The following ENTPD5 variants were observed in gnomAD, a reference collection of about 807,000 sequenced individuals.
ENTPD5 encodes nucleoside diphosphate phosphatase ENTPD5.
ENTPD5 carries 49 observed loss-of-function variants against 60.2 expected under a neutral mutation model. The observed-to-expected ratio is 0.81, with a 90% CI of 0.65 to 1.03. The LOEUF (loss-of-function observed/expected upper bound fraction) is 1.03. Ranked by LOEUF, ENTPD5 falls within the 50% of genes least tolerant of loss-of-function variation. The pLI is 0.00. For missense variants in ENTPD5, 480 were observed against 507.6 expected (o/e 0.95, Z 0.52); for synonymous variants, 187 against 185.4 (o/e 1.01, Z -0.07).
downstream of ENTPD5, among the ~76,000 whole-genome samples, chr14:73,957,540 C>T (rs146795339): frequency 6.1e-3 from 924 of 152,208 alleles, 1 homozygote; most frequent in South Asian, 0.026. Flanking sequence ...AGTGGCTTAA[C>T]AATCCTCTCA....
chr14:73,961,356 C>A (rs1157651781), downstream of ENTPD5: 5 of 1,614,078 alleles, frequency 3.1e-6, no homozygotes, highest in East Asian at 6.7e-5. Context: ...GTACGTCAGG[C>A]CTCGGGTGGC....
intron 3 of ENTPD5, chr14:74,007,659 A>G (rs1398688180): frequency 6.6e-6 from 1 of 151,838 alleles, no homozygotes; most frequent in Non-Finnish European, 1.5e-5. Context: ...AGGTTTATTT[A>G]AAAGTCAGCT....
rs1227388456 is a variant in ENTPD5, at chr14:73,987,216, G to A, written c.218-323C>T. ...ATTCCTAGCCTCATGTCCAAGGATG[G>A]CAGTGAAATTCTCATGTGATCCTTC... On this transcript the variant is annotated intron_variant, in intron 4 of 15. Coordinates refer to ENST00000334696, the MANE Select transcript of ENTPD5 (RefSeq NM_001249.5). The A allele has an allele frequency of 7.2e-6, 5 of 692,492 alleles. No individual in the cohort carries two copies. In the East Asian group the frequency reaches 1.3e-4, roughly 19 times the overall value. 42.9% of individuals were successfully genotyped at this position (692,492 alleles called of 1,614,324 possible). A position where few individuals can be genotyped will look rare whatever the true frequency, so the allele number is the denominator to read the frequency against.
rs181821437 is a variant in ENTPD5 at position 73,966,312 on chromosome 14, C to G, written c.*616G>C. ...GACCGGGTGGCCTTCTTTCTTAAGG[C>G]TGTAATTTATGCACAGTTAGGAGTT... is the stretch of plus-strand genomic sequence containing the variant. On this transcript the variant is annotated 3_prime_UTR_variant, in exon 16 of 16. Coordinates refer to ENST00000334696, the MANE Select transcript of ENTPD5 (RefSeq NM_001249.5). The G allele has an allele frequency of 1.3e-5, 2 of 152,186 alleles. No homozygotes were observed. Among genetic ancestry groups the G allele is most frequent in the South Asian group, 4.1e-4 (2 of 4,826 alleles). The allele number at this position is 152,186 out of a possible 1,614,324, so 9.4% of individuals were successfully genotyped here.
chr14:74,011,209 G>A (rs2058836223), intron 2 of ENTPD5, 59 bp from the exon 3 acceptor site: 2 of 367,948 alleles, frequency 5.4e-6, no homozygotes, highest in Non-Finnish European at 7.5e-6. Flanking sequence ...TCTGCTGTCA[G>A]TATGCCTACT....
In ENTPD5 at chr14:73,986,828, C is replaced by A; in HGVS notation, c.283G>T (p.Asp95Tyr). The change falls in exon 5 of 16, where the codon GAT becomes TAT. Residue 95 changes from aspartate (D) to tyrosine (Y), a missense_variant. Coordinates refer to ENST00000334696, the MANE Select transcript of ENTPD5 (RefSeq NM_001249.5). ...SVKPGLSAFV[D>Y]QPKQGAETVQ... ...AAGAAACTCACCTGCTTAGGTTGAT[C>A]TACAAAAGCAGAAAGTCCTGGCTTC... The A allele has an allele frequency of 1.2e-6, 2 of 1,613,898 alleles. No homozygotes were observed. Among genetic ancestry groups the A allele is most frequent in the South Asian group, 1.1e-5 (1 of 91,072 alleles).
At chr14:74,000,386 G>C (rs527870093) in intron 3 of ENTPD5, among the ~76,000 whole-genome samples, 1 of 151,992 alleles carries the variant, frequency 6.6e-6, no homozygotes, top group East Asian at 1.9e-4. Flanking sequence ...GAGCCCCCTG[G>C]GAGGTGGAGG....
downstream of ENTPD5, chr14:73,962,959 T>A (rs2056820784): frequency 3.1e-6 from 5 of 1,600,764 alleles, no homozygotes; most frequent in Non-Finnish European, 1.7e-6. Flanking sequence ...TCACTTTTAT[T>A]TTTTCTCCAG....
chr14:74,006,296 T>C (rs1013044903), intron 3 of ENTPD5, among the ~76,000 whole-genome samples: 3 of 151,184 alleles, frequency 2.0e-5, no homozygotes, highest in African/African-American at 7.3e-5. Flanking sequence ...TTTTTTTTTT[T>C]TTTTTGAGAC....
downstream of ENTPD5, among the ~76,000 whole-genome samples, chr14:73,957,709 C>T (rs548739104): frequency 6.6e-6 from 1 of 152,290 alleles, no homozygotes; most frequent in South Asian, 2.1e-4. Context: ...GGATTACGAG[C>T]ATGAGCCACC....
chr14:73,962,958 T>A, downstream of ENTPD5: 2 of 1,600,048 alleles, frequency 1.2e-6, no homozygotes, highest in Non-Finnish European at 1.7e-6. Flanking sequence ...TTCACTTTTA[T>A]TTTTTCTCCA....
intron 6 of ENTPD5, among the ~76,000 whole-genome samples, chr14:73,982,742 T>C (rs1403932086): frequency 6.6e-6 from 1 of 151,780 alleles, no homozygotes; most frequent in Non-Finnish European, 1.5e-5. Flanking sequence ...GGTGACAGAG[T>C]GAGACTCCAT....
At position 73,967,183 on chromosome 14, in the gene ENTPD5, C is replaced by T. The variant is rs3742812; in HGVS notation, c.1201-169G>A. ...CCACTACTCTGTAACAATTTCCTTC[C>T]GGCCATGGCCCATTGGCCATTGCCC... On this transcript the variant is annotated intron_variant, in intron 15 of 15. Coordinates refer to ENST00000334696, the MANE Select transcript of ENTPD5 (RefSeq NM_001249.5). Among the ~76,000 whole-genome samples the T allele has an allele frequency of 3.6e-3, 549 of 152,366 alleles. 6 individuals carry two copies. The highest frequency in any genetic ancestry group is 0.013 in the African/African-American group (531 of 41,588).
rs758271333 is a variant in ENTPD5 at position 73,964,791 on chromosome 14, T to C, written c.*2137A>G. On this transcript the variant is annotated 3_prime_UTR_variant, in exon 16 of 16. Coordinates refer to ENST00000334696, the MANE Select transcript of ENTPD5 (RefSeq NM_001249.5). ...ACTTTTTTCAAAAGATCCAAAGATT[T>C]TGGAAGGAGAGATTAGAGCAGAACT... is the stretch of plus-strand genomic sequence containing the variant. 6.9e-6 allele frequency: 1 copy of C among 144,910 alleles called. No individual in the cohort carries two copies. The highest frequency in any genetic ancestry group is 1.5e-5 in the Non-Finnish European group (1 of 67,962). The allele number at this position is 144,910 out of a possible 1,614,324, so 9.0% of individuals were successfully genotyped here.
chr14:73,967,088 A>G (rs1383525925), intron 15 of ENTPD5, 74 bp from the exon 16 acceptor site: 2 of 1,284,438 alleles, frequency 1.6e-6, no homozygotes, highest in African/African-American at 2.9e-5. Context: ...TTGGGCAGAA[A>G]ATATTGGCAA....
chr14:73,996,613 T>C (rs2058351180), intron 3 of ENTPD5: 1 of 151,862 alleles, frequency 6.6e-6, no homozygotes, highest in Admixed American at 6.6e-5. Flanking sequence ...TCTTGATATA[T>C]ACAGAGGAAT....
At position 73,987,875 on chromosome 14, in the gene ENTPD5, G is replaced by T. The variant is rs201623584; in HGVS notation, c.217+11C>A. ...TTTACAGACTCTACTAAGGGTCCCA[G>T]TTGCACTTACCTGGCATTTTCTGCA... On this transcript the variant is annotated intron_variant, in intron 4 of 15. Transcript: ENST00000334696. The T allele has an allele frequency of 8.7e-6, 14 of 1,613,850 alleles. No homozygotes were observed. Among genetic ancestry groups the T allele is most frequent in the Non-Finnish European group, 1.2e-5 (14 of 1,179,840 alleles).
intron 3 of ENTPD5, among the ~76,000 whole-genome samples, chr14:74,007,967 A>AT (rs201973507): frequency 0.015 from 2,310 of 150,954 alleles, 60 homozygotes; most frequent in African/African-American, 0.052. Context: ...AGAAGCTGGG[A>AT]TTATAGGCAC....
chr14:73,976,988 A>T, intron 8 of ENTPD5, 36 bp downstream of exon 8: 1 of 1,560,698 alleles, frequency 6.4e-7, no homozygotes, highest in Non-Finnish European at 8.8e-7. Flanking sequence ...TGTAAAAGCT[A>T]GTTAAGCTCT....
Sources: allele counts gnomAD v4.1 joint callset (sites outside exome capture counted in the v4.1 genomes callset), GRCh38; gene constraint gnomAD v4.1.1; transcripts MANE v1.5; gene names NCBI Gene and HGNC (gene_info 2026-07-23, HGNC 2026-07-21).